DPP10: variants seen among roughly 807,000 people sequenced by gnomAD.
DPP10 encodes dipeptidyl peptidase like 10.
In DPP10, 33 loss-of-function variants were observed where a neutral mutation model predicts 120.9. The observed-to-expected ratio is 0.27, with a 90% CI of 0.21 to 0.37. The LOEUF is 0.37. DPP10 is among the 10% of genes least tolerant of loss of function. The pLI is 1.00. For missense variants in DPP10, 816 were observed against 942.8 expected, an observed-to-expected ratio of 0.87 and a Z score of 1.76; for synonymous variants, 337 against 326.1, an observed-to-expected ratio of 1.03 and a Z score of -0.36.
At chr2:115,345,163 G>A (rs2063648026) in intron 3 of DPP10, among the ~76,000 whole-genome samples, 1 of 152,116 alleles carries the variant, frequency 6.6e-6, no homozygotes, top group Non-Finnish European at 1.5e-5. Flanking sequence ...AATTTTAATT[G>A]AAATCAATTG....
chr2:114,711,742 G>A lies in DPP10; in HGVS notation c.60+268904G>A, dbSNP rs1701043316. Reference sequence around the variant, plus strand: ...GGATAAGTGAACAAGTCTAAGAAGAGAGAACTGTTTTGTTCTTTTTTATAT... The same window carrying A: ...GGATAAGTGAACAAGTCTAAGAAGAAAGAACTGTTTTGTTCTTTTTTATAT... On this transcript the variant is annotated intron_variant, in intron 1 of 25. Transcript: ENST00000410059. Among the ~76,000 whole-genome samples, 2 of 152,052 alleles carry A rather than the reference G, an allele frequency of 1.3e-5. 1 individual carries two copies. The highest frequency in any genetic ancestry group is 4.8e-5 in the African/African-American group (2 of 41,392).
chr2:115,065,420 A>G (rs1244552075), intron 1 of DPP10: 1 of 152,200 alleles, frequency 6.6e-6, no homozygotes. Flanking sequence ...ACAATCATTA[A>G]CTGTGAACCT....
chr2:115,113,779 C>T (rs759688371), intron 1 of DPP10, among the ~76,000 whole-genome samples: 5 of 152,180 alleles, frequency 3.3e-5, no homozygotes, highest in East Asian at 1.9e-4. Flanking sequence ...TTTACAAGAG[C>T]GGTGTATTAA....
chr2:115,532,092 ACT>A (rs1419111754), intron 5 of DPP10, among the ~76,000 whole-genome samples: 4 of 151,914 alleles, frequency 2.6e-5, no homozygotes, highest in Non-Finnish European at 5.9e-5. Context: ...TTGTCTGATC[ACT>A]CTCTATTTCC....
rs370634599 is a variant in DPP10 at position 115,019,300 on chromosome 2, T to C, written c.61-289939T>C. On this transcript the variant is annotated intron_variant, in intron 1 of 25. Coordinates refer to ENST00000410059, the MANE Select transcript of DPP10 (RefSeq NM_020868.6). Reference sequence around the variant, plus strand: ...AATGGAAAAAAGAAAGGAACATTCTTCAGTGAAGTAGACAGCATAAACAAA... The same window carrying C: ...AATGGAAAAAAGAAAGGAACATTCTCCAGTGAAGTAGACAGCATAAACAAA... 4.1e-4 allele frequency among the ~76,000 whole-genome samples: 62 copies of C among 152,200 alleles called. No homozygotes were observed. In the South Asian group the frequency reaches 0.013, roughly 31 times the overall value.
intron 1 of DPP10, among the ~76,000 whole-genome samples, chr2:115,032,554 A>T (rs1703910252): frequency 6.6e-6 from 1 of 151,980 alleles, no homozygotes; most frequent in Non-Finnish European, 1.5e-5. Flanking sequence ...ATATTTTAAA[A>T]ATAATAAAAG....
At chr2:115,271,483 C>T (rs1487210193) in intron 1 of DPP10, among the ~76,000 whole-genome samples, 1 of 151,998 alleles carries the variant, frequency 6.6e-6, no homozygotes, top group Non-Finnish European at 1.5e-5. Context: ...TACTATTGAA[C>T]ACTCTTTTGT....
chr2:115,487,004 T>A (rs2075817039), intron 3 of DPP10, among the ~76,000 whole-genome samples: 1 of 152,130 alleles, frequency 6.6e-6, no homozygotes, highest in Non-Finnish European at 1.5e-5. Context: ...TTTATTCTGG[T>A]TACTTTTTAG....
chr2:115,189,036 TA>T (rs1166764396), intron 1 of DPP10, among the ~76,000 whole-genome samples: 1 of 152,212 alleles, frequency 6.6e-6, no homozygotes, highest in Non-Finnish European at 1.5e-5. Flanking sequence ...TATGTACAAA[TA>T]TACAGGTGCT....
chr2:115,388,560 C>T (rs1377267018), intron 3 of DPP10, among the ~76,000 whole-genome samples: 2 of 152,154 alleles, frequency 1.3e-5, no homozygotes, highest in Non-Finnish European at 2.9e-5. Context: ...CTTCCTGGCC[C>T]TCTAGGGTGA....
chr2:115,527,299 G>T (rs1465447388), intron 5 of DPP10, among the ~76,000 whole-genome samples: 1 of 151,776 alleles, frequency 6.6e-6, no homozygotes, highest in East Asian at 1.9e-4. Flanking sequence ...ACTAGTGCCA[G>T]AACAATCAGA....
intron 7 of DPP10, among the ~76,000 whole-genome samples, chr2:115,715,451 A>G (rs2092463932): frequency 6.6e-6 from 1 of 151,566 alleles, no homozygotes; most frequent in Admixed American, 6.6e-5. Flanking sequence ...TGACCCTCCC[A>G]TCTCTCAACC....
At chr2:114,608,441 C>T (rs770353936) in intron 1 of DPP10, among the ~76,000 whole-genome samples, 25 of 152,082 alleles carry the variant, frequency 1.6e-4, no homozygotes, top group South Asian at 4.2e-4. Flanking sequence ...ATTTGCAGCT[C>T]GAGAAAGATG....
At chr2:115,209,530 TAG>T (rs1193310310) in intron 1 of DPP10, among the ~76,000 whole-genome samples, 1 of 152,208 alleles carries the variant, frequency 6.6e-6, no homozygotes, top group African/African-American at 2.4e-5. Flanking sequence ...TTTGCTAAAG[TAG>T]ACTTTATTCT....
chr2:114,938,589 C>T (rs1233278520), intron 1 of DPP10, among the ~76,000 whole-genome samples: 2 of 152,090 alleles, frequency 1.3e-5, no homozygotes, highest in East Asian at 1.9e-4. Flanking sequence ...CAATTTATTA[C>T]AAATATATTT....
At position 115,228,496 on chromosome 2, in the gene DPP10, T is replaced by C. The variant is rs371131148; in HGVS notation, c.61-80743T>C. 1.2e-4 allele frequency among the ~76,000 whole-genome samples: 19 copies of C among 152,176 alleles called. No individual in the cohort carries two copies. The East Asian group carries it at 3.1e-3, about 25-fold the overall frequency. On this transcript the variant is annotated intron_variant, in intron 1 of 25. Coordinates refer to ENST00000410059, the MANE Select transcript of DPP10 (RefSeq NM_020868.6). Reference sequence around the variant, plus strand: ...TTTTGTACCCACTAACAAAACCCGCTTCAATCCCCCCTCCAGCCACTACCA... The same window carrying C: ...TTTTGTACCCACTAACAAAACCCGCCTCAATCCCCCCTCCAGCCACTACCA...
chr2:115,674,268 A>G (rs1410687273), intron 5 of DPP10, among the ~76,000 whole-genome samples: 1 of 151,742 alleles, frequency 6.6e-6, no homozygotes, highest in African/African-American at 2.4e-5. Flanking sequence ...ATAAATAAAT[A>G]AAGGAGGAAA....
chr2:115,761,149 G>A (rs550598528), intron 11 of DPP10, among the ~76,000 whole-genome samples: 2 of 148,412 alleles, frequency 1.3e-5, no homozygotes, highest in Non-Finnish European at 3.0e-5. Context: ...GCTCACACCT[G>A]TTATTCCAAC....
chr2:115,396,449 A>C (rs1024575784), intron 3 of DPP10, among the ~76,000 whole-genome samples: 1 of 152,202 alleles, frequency 6.6e-6, no homozygotes, highest in Admixed American at 6.5e-5. Flanking sequence ...TTGCTACGTG[A>C]AGTAAGTAAC....
Sources: gnomAD v4.1 joint callset for allele counts (sites outside exome capture counted in the v4.1 genomes callset) on GRCh38, gnomAD v4.1.1 for gene constraint, MANE v1.5 for transcripts, NCBI Gene and HGNC (gene_info 2026-07-23, HGNC 2026-07-21) for gene names.